PLCB1: variants seen among roughly 807,000 people sequenced by gnomAD.
The protein encoded by PLCB1 is phospholipase C beta 1, also known as 1-phosphatidylinositol 4,5-bisphosphate phosphodiesterase beta-1.
In PLCB1, 46 loss-of-function variants were observed where a neutral mutation model predicts 161.8. The observed-to-expected ratio is 0.28, with a 90% CI of 0.22 to 0.36. The LOEUF (loss-of-function observed/expected upper bound fraction) is 0.36, where lower values mean the gene tolerates loss of function less well. PLCB1 is among the 10% of genes least tolerant of loss of function. The pLI, the probability that PLCB1 is intolerant of heterozygous loss-of-function variation, is 1.00. For missense variants in PLCB1, 1,016 were observed against 1,472.5 expected, an observed-to-expected ratio of 0.69 and a Z score of 5.07; for synonymous variants, 517 against 503.7, an observed-to-expected ratio of 1.03 and a Z score of -0.35.
chr20:8,861,487 T>G (rs1457834904), intron 31 of PLCB1, among the ~76,000 whole-genome samples: 1 of 152,120 alleles, frequency 6.6e-6, no homozygotes, highest in Non-Finnish European at 1.5e-5. Flanking sequence ...ATCCCAGCAC[T>G]TTGGAAGGCC....
chr20:8,736,088 A>G lies in PLCB1; in HGVS notation c.2044-940A>G, dbSNP rs1025249004. Among the ~76,000 whole-genome samples the G allele has an allele frequency of 4.1e-4, 62 of 152,324 alleles. 3 individuals carry two copies. The highest frequency in any genetic ancestry group is 2.6e-4 in the Non-Finnish European group (18 of 68,022). On this transcript the variant is annotated intron_variant, in intron 19 of 31. Transcript: ENST00000338037. ...CCTTTTCACAATCTGGAGCTCAGAA[A>G]GTTCTTGACCAGCAGGCAATTTTCT... is the stretch of plus-strand genomic sequence containing the variant.
chr20:8,710,808 GA>G (rs912354413), intron 12 of PLCB1, among the ~76,000 whole-genome samples: 2 of 152,040 alleles, frequency 1.3e-5, no homozygotes, highest in Non-Finnish European at 2.9e-5. Flanking sequence ...TGTTCTTAAA[GA>G]GAAGTTTCTA....
At chr20:8,827,466 GA>G (rs1345207193) in intron 31 of PLCB1, among the ~76,000 whole-genome samples, 1 of 152,218 alleles carries the variant, frequency 6.6e-6, no homozygotes, top group Admixed American at 6.5e-5. Context: ...TAATAGGAAA[GA>G]AAATTATGGA....
At chr20:8,626,406 T>A (rs1351507207) in intron 3 of PLCB1, among the ~76,000 whole-genome samples, 1 of 152,094 alleles carries the variant, frequency 6.6e-6, no homozygotes, top group South Asian at 2.1e-4. Context: ...CCCCCAAACC[T>A]AGTATCTGCA....
intron 3 of PLCB1, among the ~76,000 whole-genome samples, chr20:8,412,354 C>T (rs1009736): frequency 0.19 from 29,178 of 152,082 alleles, 3,112 homozygotes; most frequent in African/African-American, 0.24. Flanking sequence ...TGTACACAAC[C>T]CCCTACTTGA....
chr20:8,681,213 T>G (rs1203896915), intron 9 of PLCB1, among the ~76,000 whole-genome samples: 1 of 150,668 alleles, frequency 6.6e-6, no homozygotes, highest in Non-Finnish European at 1.5e-5. Flanking sequence ...CTTTGCATGT[T>G]CCAAATTATA....
intron 2 of PLCB1, among the ~76,000 whole-genome samples, chr20:8,178,284 G>T (rs112512551): frequency 6.6e-6 from 1 of 152,222 alleles, no homozygotes; most frequent in South Asian, 2.1e-4. Context: ...TTCCACAGTG[G>T]CTCTGAACTA....
At chr20:8,667,933 C>G (rs2123352539) in intron 9 of PLCB1, among the ~76,000 whole-genome samples, 1 of 152,202 alleles carries the variant, frequency 6.6e-6, no homozygotes, top group South Asian at 2.1e-4. Flanking sequence ...ATAGCTTTCC[C>G]CTTGTCAGCA....
intron 2 of PLCB1, among the ~76,000 whole-genome samples, chr20:8,242,559 T>C (rs1188337113): frequency 6.6e-6 from 1 of 151,896 alleles, no homozygotes; most frequent in African/African-American, 2.4e-5. Context: ...GTTTGATATA[T>C]GGCAAGTTGA....
chr20:8,832,429 G>A (rs969703494), intron 31 of PLCB1, among the ~76,000 whole-genome samples: 9 of 152,142 alleles, frequency 5.9e-5, no homozygotes, highest in South Asian at 2.1e-4. Context: ...TCAGGGAAAC[G>A]TGAAAATACA....
At chr20:8,714,606 C>T (rs1259977240) in intron 12 of PLCB1, among the ~76,000 whole-genome samples, 1 of 152,184 alleles carries the variant, frequency 6.6e-6, no homozygotes, top group East Asian at 1.9e-4. Context: ...AGCAGTTTTT[C>T]TTCTCTCCCT....
intron 31 of PLCB1, among the ~76,000 whole-genome samples, chr20:8,809,527 A>G (rs1383043283): frequency 1.3e-5 from 2 of 151,852 alleles, no homozygotes; most frequent in South Asian, 2.1e-4. Context: ...AAAATCAACA[A>G]TCTCTAAAAC....
At chr20:8,878,659 T>C (rs917711051) in intron 31 of PLCB1, among the ~76,000 whole-genome samples, 16 of 152,338 alleles carry the variant, frequency 1.1e-4, no homozygotes, top group Middle Eastern at 3.4e-3. Flanking sequence ...GGGAGAATAG[T>C]TGACTTTCAA....
At chr20:8,853,526 C>A (rs1464426164) in intron 31 of PLCB1, among the ~76,000 whole-genome samples, 2 of 152,098 alleles carry the variant, frequency 1.3e-5, no homozygotes, top group Admixed American at 6.5e-5. Context: ...TAGCTGTAGT[C>A]GGGTTTTTAA....
At chr20:8,588,107 A>G (rs186740443) in intron 3 of PLCB1, among the ~76,000 whole-genome samples, 32 of 152,320 alleles carry the variant, frequency 2.1e-4, no homozygotes, top group African/African-American at 7.5e-4. Flanking sequence ...ATATGATTTA[A>G]TACATGCTTA....
chr20:8,847,076 A>G (rs562365454), intron 31 of PLCB1, among the ~76,000 whole-genome samples: 3 of 152,316 alleles, frequency 2.0e-5, no homozygotes, highest in Admixed American at 6.5e-5. Flanking sequence ...GGGGTGGGAA[A>G]AGCCTGGGCA....
At chr20:8,851,128 G>T (rs1023610083) in intron 31 of PLCB1, among the ~76,000 whole-genome samples, 1 of 152,168 alleles carries the variant, frequency 6.6e-6, no homozygotes, top group African/African-American at 2.4e-5. Context: ...GCTCACTGGG[G>T]CCATGTTCCA....
chr20:8,792,300 A>G (rs1983796796), intron 31 of PLCB1, among the ~76,000 whole-genome samples: 1 of 152,202 alleles, frequency 6.6e-6, no homozygotes, highest in African/African-American at 2.4e-5. Flanking sequence ...GCAGTAGGGT[A>G]TCACTTTCAT....
chr20:8,492,175 C>T (rs144796595), intron 3 of PLCB1, among the ~76,000 whole-genome samples: 4 of 143,628 alleles, frequency 2.8e-5, no homozygotes, highest in Admixed American at 2.7e-4. Flanking sequence ...CTTTGCCAAC[C>T]ATTTTTTTTT....
Sources: gnomAD v4.1 joint callset for allele counts (sites outside exome capture counted in the v4.1 genomes callset) on GRCh38, gnomAD v4.1.1 for gene constraint, MANE v1.5 for transcripts, NCBI Gene and HGNC (gene_info 2026-07-23, HGNC 2026-07-21) for gene names.